Variants in ALK observed in about 807,000 individuals in gnomAD.
The protein encoded by ALK is ALK tyrosine kinase receptor.
A neutral mutation model predicts 163.1 loss-of-function variants in ALK; 74 were observed. The ratio of observed to expected loss-of-function variants is 0.45; its 90% CI spans 0.38 to 0.55. The LOEUF (loss-of-function observed/expected upper bound fraction) is 0.55, where lower values mean the gene tolerates loss of function less well. Among genes scored for constraint, ALK ranks in the 20% least tolerant of loss-of-function variants. ALK has a pLI of 0.00. For synonymous variants in ALK, 960 were observed against 843.2 expected, an observed-to-expected ratio of 1.14 and a Z score of -2.40; for missense variants, 2,063 against 2,105.3, an observed-to-expected ratio of 0.98 and a Z score of 0.39.
At chr2:29,416,979 C>CCTTTTTTTTTTTT (rs1177704836) in intron 4 of ALK, among the ~76,000 whole-genome samples, 2 of 77,664 alleles carry the variant, frequency 2.6e-5, no homozygotes, top group African/African-American at 1.1e-4. Context: ...ATGTTTGATG[C>CCTTTTTTTTTTTT]TTTTTTTTTT....
At chr2:29,490,592 T>A (rs1403674608) in intron 4 of ALK, among the ~76,000 whole-genome samples, 1 of 152,116 alleles carries the variant, frequency 6.6e-6, no homozygotes, top group African/African-American at 2.4e-5. Context: ...CAACACATAC[T>A]CAACTTTGAG....
At position 29,920,342 on chromosome 2, in the gene ALK, C is replaced by T. The variant is rs1298853396; in HGVS notation, c.318G>A (p.Pro106=). The change falls in exon 1 of 29, where the codon CCG becomes CCA. Residue 106 remains proline (P), a synonymous_variant. Transcript: ENST00000389048. ...GTGAACCGGCGGTCCAGGAGACCCCCGGCGCCGGCCCCAGCAACCTGAGCA... is the reference window on the plus strand; with the variant it reads ...GTGAACCGGCGGTCCAGGAGACCCCTGGCGCCGGCCCCAGCAACCTGAGCA... ...APLLRLLGPA[P]GVSWTAGSPA... The T allele has an allele frequency of 5.8e-6, 9 of 1,551,222 alleles. No individual in the cohort carries two copies. The highest frequency in any genetic ancestry group is 1.7e-4 in the Middle Eastern group (1 of 5,854).
intron 1 of ALK, among the ~76,000 whole-genome samples, chr2:29,770,225 T>A (rs556652285): frequency 6.6e-6 from 1 of 152,354 alleles, no homozygotes; most frequent in South Asian, 2.1e-4. Context: ...CTCCAAACTC[T>A]TTCCCCATTG....
chr2:29,210,093 A>T (rs1669423850), intron 24 of ALK, among the ~76,000 whole-genome samples: 1 of 152,196 alleles, frequency 6.6e-6, no homozygotes, highest in Admixed American at 6.5e-5. Context: ...AGGGGAAATG[A>T]TTAAAAATGT....
intron 1 of ALK, among the ~76,000 whole-genome samples, chr2:29,903,984 A>C (rs1667477141): frequency 6.6e-6 from 1 of 152,184 alleles, no homozygotes; most frequent in African/African-American, 2.4e-5. Context: ...AGAAACAAAG[A>C]CTCAGGAAGT....
At chr2:29,788,956 C>G (rs1357467835) in intron 1 of ALK, among the ~76,000 whole-genome samples, 1 of 151,328 alleles carries the variant, frequency 6.6e-6, no homozygotes, top group Non-Finnish European at 1.5e-5. Context: ...CCTTCCACCA[C>G]CAACTTTAGC....
chr2:29,852,832 TTCTCTC>T lies in ALK; in HGVS notation c.667+67155_667+67160del, dbSNP rs56348355. 9.6e-3 allele frequency among the ~76,000 whole-genome samples: 1,421 copies of T among 148,456 alleles called. 14 individuals are homozygous for T. Among genetic ancestry groups the T allele is most frequent in the African/African-American group, 0.022 (863 of 39,682 alleles). Reference sequence around the variant, plus strand: ...AGAAAGGGATGAAAAGACCAGAGCTTTCTCTCTCTCTCTCTCTCTCTCTCTCTCTCT... The same window carrying T: ...AGAAAGGGATGAAAAGACCAGAGCTTTCTCTCTCTCTCTCTCTCTCTCTCT... On this transcript the variant is annotated intron_variant, in intron 1 of 28. Transcript: ENST00000389048.
chr2:29,355,091 T>C (rs188020795), intron 5 of ALK, among the ~76,000 whole-genome samples: 47 of 152,310 alleles, frequency 3.1e-4, no homozygotes, highest in African/African-American at 1.1e-3. Flanking sequence ...GTGACAAGAA[T>C]GGATACCTGA....
intron 3 of ALK, among the ~76,000 whole-genome samples, chr2:29,587,988 G>T (rs1000408974): frequency 2.6e-5 from 4 of 152,070 alleles, no homozygotes; most frequent in Non-Finnish European, 5.9e-5. Context: ...TTCTAGTTCA[G>T]GAAGCCAGAG....
At position 29,906,937 on chromosome 2, in the gene ALK, G is replaced by GTT. The variant is rs70962250; in HGVS notation, c.667+13054_667+13055dup. ...CCAGAAATATACATATACATTTAAGGTTTTTTTTTTTTTTTTTTTTTTTTT... is the reference window on the plus strand; with the variant it reads ...CCAGAAATATACATATACATTTAAGGTTTTTTTTTTTTTTTTTTTTTTTTTTT... On this transcript the variant is annotated intron_variant, in intron 1 of 28. Coordinates refer to ENST00000389048, the MANE Select transcript of ALK (RefSeq NM_004304.5). Among the ~76,000 whole-genome samples, 127 of 80,040 alleles carry GTT rather than the reference G, an allele frequency of 1.6e-3. 7 individuals carry two copies. Among genetic ancestry groups the GTT allele is most frequent in the African/African-American group, 4.3e-3 (95 of 21,998 alleles). 52.5% of individuals were successfully genotyped at this position (80,040 alleles called of 152,430 possible). A position where few individuals can be genotyped will look rare whatever the true frequency, so the allele number is the denominator to read the frequency against.
Position 29,906,622 on chromosome 2 carries a change from C to T in ALK, c.667+13371G>A, listed in dbSNP as rs116431664. On this transcript the variant is annotated intron_variant, in intron 1 of 28. Coordinates refer to ENST00000389048, the MANE Select transcript of ALK (RefSeq NM_004304.5). ...GATCATAGATGTGGAGTTAAACAGG[C>T]TGAAATTCAAATACCAGATCCTTCA... 4.6e-3 allele frequency among the ~76,000 whole-genome samples: 706 copies of T among 152,228 alleles called. 6 individuals carry two copies. The highest frequency in any genetic ancestry group is 0.016 in the African/African-American group (670 of 41,536).
intron 1 of ALK, among the ~76,000 whole-genome samples, chr2:29,801,938 C>T (rs1572390386): frequency 6.6e-6 from 1 of 152,096 alleles, no homozygotes; most frequent in Admixed American, 6.5e-5. Flanking sequence ...ATAGAGTAAA[C>T]AACTTCTTAA....
chr2:29,402,575 G>A (rs1478744469), intron 4 of ALK, among the ~76,000 whole-genome samples: 1 of 152,180 alleles, frequency 6.6e-6, no homozygotes, highest in Non-Finnish European at 1.5e-5. Flanking sequence ...CCGTATAATA[G>A]GTTTCTATTT....
At chr2:29,868,173 G>T (rs1300126863) in intron 1 of ALK, among the ~76,000 whole-genome samples, 4 of 152,200 alleles carry the variant, frequency 2.6e-5, no homozygotes, top group Non-Finnish European at 5.9e-5. Flanking sequence ...AGGAAGGAGA[G>T]AAGATGGTCT....
intron 3 of ALK, among the ~76,000 whole-genome samples, chr2:29,583,843 A>C (rs1008073759): frequency 2.0e-5 from 3 of 152,128 alleles, no homozygotes; most frequent in Admixed American, 1.3e-4. Context: ...TATCTACCTA[A>C]ATTTGTTTAC....
chr2:29,275,792 CTT>C (rs1389309202), intron 9 of ALK, among the ~76,000 whole-genome samples: 1 of 152,114 alleles, frequency 6.6e-6, no homozygotes, highest in African/African-American at 2.4e-5. Flanking sequence ...GAGGAGAAAT[CTT>C]TTGCTTTCTG....
chr2:29,464,045 T>C (rs1037204128), intron 4 of ALK, among the ~76,000 whole-genome samples: 1 of 152,154 alleles, frequency 6.6e-6, no homozygotes, highest in Non-Finnish European at 1.5e-5. Flanking sequence ...TTTGAAACTA[T>C]CAAACTGATT....
intron 4 of ALK, among the ~76,000 whole-genome samples, chr2:29,468,755 G>A (rs1243817848): frequency 6.7e-6 from 1 of 150,146 alleles, no homozygotes; most frequent in Admixed American, 6.7e-5. Context: ...TCAGGAGGCT[G>A]AGGTGGGAGG....
chr2:29,909,535 G>T (rs1260112783), intron 1 of ALK, among the ~76,000 whole-genome samples: 1 of 145,816 alleles, frequency 6.9e-6, no homozygotes, highest in Non-Finnish European at 1.5e-5. Flanking sequence ...CCACAAAACT[G>T]CCTAGAAGTC....
Sources: allele counts gnomAD v4.1 joint callset (sites outside exome capture counted in the v4.1 genomes callset), GRCh38; gene constraint gnomAD v4.1.1; transcripts MANE v1.5; gene names NCBI Gene and HGNC (gene_info 2026-07-23, HGNC 2026-07-21).